The following SESN1 variants were observed in gnomAD, a reference collection of about 807,000 sequenced individuals.
SESN1 encodes sestrin 1, also known as sestrin-1.
SESN1 carries 30 observed loss-of-function variants against 59.3 expected under a neutral mutation model. The ratio of observed to expected loss-of-function variants is 0.51; its 90% confidence interval spans 0.38 to 0.69. The LOEUF is 0.69. Ranked by LOEUF, SESN1 falls within the 30% of genes least tolerant of loss-of-function variation. The pLI is 0.00. For synonymous variants in SESN1, 197 were observed against 219.9 expected, an observed-to-expected ratio of 0.90 and a Z score of 0.92; for missense variants, 566 against 673.0, an observed-to-expected ratio of 0.84 and a Z score of 1.76.
At position 109,069,707 on chromosome 6, in the gene SESN1, A is replaced by G. The variant is rs187245825; in HGVS notation, c.279+24088T>C. Among the ~76,000 whole-genome samples the G allele has an allele frequency of 6.6e-5, 10 of 151,818 alleles. No homozygotes were observed. The East Asian group carries it at 1.4e-3, about 21-fold the overall frequency. On this transcript the variant is annotated intron_variant, in intron 1 of 9. Coordinates refer to ENST00000436639, the MANE Select transcript of SESN1 (RefSeq NM_014454.3). Reference sequence around the variant, plus strand: ...CAGCCGTGTACCACGACACATAGCTAATTTTTACTTTTTATTTTTTTGTTG... The same window carrying G: ...CAGCCGTGTACCACGACACATAGCTGATTTTTACTTTTTATTTTTTTGTTG...
intron 5 of SESN1, among the ~76,000 whole-genome samples, chr6:108,997,995 A>G (rs954476925): frequency 5.9e-5 from 9 of 152,380 alleles, no homozygotes; most frequent in African/African-American, 2.2e-4. Flanking sequence ...CATTCACCTG[A>G]TATCACCTTC....
intron 1 of SESN1, among the ~76,000 whole-genome samples, chr6:109,024,053 T>C (rs1027803826): frequency 1.3e-5 from 2 of 152,160 alleles, no homozygotes; most frequent in African/African-American, 4.8e-5. Context: ...TGACTATTGA[T>C]ATAGCAACAT....
intron 1 of SESN1, among the ~76,000 whole-genome samples, chr6:109,086,234 C>T (rs1470605583): frequency 1.3e-5 from 2 of 152,042 alleles, no homozygotes; most frequent in African/African-American, 4.8e-5. Flanking sequence ...ACCTGTAATC[C>T]CAGCTACTCG....
chr6:109,025,481 A>G (rs1258126407), intron 1 of SESN1, among the ~76,000 whole-genome samples: 1 of 151,148 alleles, frequency 6.6e-6, no homozygotes, highest in African/African-American at 2.4e-5. Context: ...GACTACAGGA[A>G]ACAATAATCA....
At chr6:109,084,861 A>G (rs1781186131) in intron 1 of SESN1, among the ~76,000 whole-genome samples, 1 of 152,134 alleles carries the variant, frequency 6.6e-6, no homozygotes, top group African/African-American at 2.4e-5. Context: ...GTTACAAACT[A>G]AAGGTTGTTT....
At chr6:109,082,556 T>G (rs909366725) in intron 1 of SESN1, among the ~76,000 whole-genome samples, 10 of 152,142 alleles carry the variant, frequency 6.6e-5, no homozygotes, top group African/African-American at 2.4e-4. Flanking sequence ...GGTCTCTCCA[T>G]GTGCACTTGA....
At chr6:109,059,478 G>A (rs1349230708) in intron 1 of SESN1, 1 of 152,142 alleles carries the variant, frequency 6.6e-6, no homozygotes, top group Non-Finnish European at 1.5e-5. Context: ...AGCAGAATAA[G>A]AGGGCAAAAT....
chr6:108,990,573 G>T, intron 8 of SESN1, 72 bp downstream of exon 8: 2 of 1,347,788 alleles, frequency 1.5e-6, no homozygotes, highest in Non-Finnish European at 2.1e-6. Context: ...CTATGTGCAT[G>T]TGCGCTCCAA....
chr6:109,003,060 G>A (rs990112816), intron 1 of SESN1, among the ~76,000 whole-genome samples: 1 of 152,028 alleles, frequency 6.6e-6, no homozygotes, highest in South Asian at 2.1e-4. Context: ...TTATGTGATG[G>A]TGTAGTATGG....
At chr6:109,049,857 T>C (rs1274944476) in intron 1 of SESN1, among the ~76,000 whole-genome samples, 1 of 152,020 alleles carries the variant, frequency 6.6e-6, no homozygotes, top group African/African-American at 2.4e-5. Context: ...AGTTGCATCA[T>C]GGGAATTAAA....
intron 5 of SESN1, 68 bp from the exon 6 acceptor site, chr6:108,994,677 C>G: frequency 1.2e-6 from 1 of 807,360 alleles, no homozygotes; most frequent in Non-Finnish European, 1.8e-6. Flanking sequence ...TCTTTTAAGT[C>G]TGTCTCATAA....
In SESN1 at chr6:108,986,452, A is replaced by ATTC. The variant is rs1021206913; in HGVS notation, c.*1089_*1091dup. 6.6e-6 allele frequency: 1 copy of ATTC among 152,660 alleles called. No individual in the cohort carries two copies. Among genetic ancestry groups the ATTC allele is most frequent in the African/African-American group, 2.4e-5 (1 of 41,460 alleles). The allele number at this position is 152,660 out of a possible 1,614,324, so 9.5% of individuals were successfully genotyped here. Reference sequence around the variant, plus strand: ...AGACAGCAAATAAAATTGGAGAAAAATTCTTCTTTATTTAAAAATACCAGT... The same window carrying ATTC: ...AGACAGCAAATAAAATTGGAGAAAAATTCTTCTTCTTTATTTAAAAATACCAGT... On this transcript the variant is annotated 3_prime_UTR_variant, in exon 10 of 10. Transcript: ENST00000436639.
At chr6:109,007,340 G>A in intron 1 of SESN1, among the ~76,000 whole-genome samples, 1 of 152,168 alleles carries the variant, frequency 6.6e-6, no homozygotes, top group East Asian at 1.9e-4. Context: ...ATATCCTTAA[G>A]TGAAATAATG....
chr6:109,018,507 T>C (rs1779960319), intron 1 of SESN1, among the ~76,000 whole-genome samples: 1 of 152,214 alleles, frequency 6.6e-6, no homozygotes, highest in Admixed American at 6.5e-5. Context: ...CAGGAGAGGC[T>C]CAGGCACATT....
At chr6:109,054,022 C>T (rs1287407062) in intron 1 of SESN1, among the ~76,000 whole-genome samples, 1 of 151,516 alleles carries the variant, frequency 6.6e-6, no homozygotes, top group Non-Finnish European at 1.5e-5. Context: ...TTTCCCTTGT[C>T]AATTTTTTAA....
rs145490875 is a variant in SESN1 at position 109,049,679 on chromosome 6, A to G, written c.279+44116T>C. Among the ~76,000 whole-genome samples the G allele has an allele frequency of 1.7e-4, 25 of 150,974 alleles. 1 individual carries two copies. The East Asian group carries it at 4.8e-3, about 29-fold the overall frequency. ...TGTGTCAGTTAAAAAATAAAAAATA[A>G]AAAGGAGAGGGGACGTATATTTATA... is the stretch of plus-strand genomic sequence containing the variant. On this transcript the variant is annotated intron_variant, in intron 1 of 9. Transcript: ENST00000436639.
chr6:109,009,891 A>C (rs1045910300), intron 1 of SESN1, among the ~76,000 whole-genome samples: 1 of 151,982 alleles, frequency 6.6e-6, no homozygotes, highest in Non-Finnish European at 1.5e-5. Context: ...TTTACCTAGA[A>C]CCAAACAGCA....
At chr6:109,015,944 T>G (rs1269641117) in intron 1 of SESN1, among the ~76,000 whole-genome samples, 1 of 152,214 alleles carries the variant, frequency 6.6e-6, no homozygotes, top group African/African-American at 2.4e-5. Context: ...GGCCAAGAAC[T>G]GGTTTAGTAT....
intron 1 of SESN1, among the ~76,000 whole-genome samples, chr6:109,050,487 A>T (rs897356010): frequency 1.3e-5 from 2 of 152,186 alleles, no homozygotes; most frequent in African/African-American, 4.8e-5. Context: ...TTAAAAATAG[A>T]CTTTAAATAT....
Sources: allele counts gnomAD v4.1 joint callset (sites outside exome capture counted in the v4.1 genomes callset), GRCh38; gene constraint gnomAD v4.1.1; transcripts MANE v1.5; gene names NCBI Gene and HGNC (gene_info 2026-07-23, HGNC 2026-07-21).